Variants in CCDC73 observed in about 807,000 individuals in gnomAD.
The protein encoded by CCDC73 is coiled-coil domain containing 73.
In CCDC73, 95 loss-of-function variants were observed where a neutral mutation model predicts 116.5. The ratio of observed to expected loss-of-function variants is 0.82; its 90% CI spans 0.69 to 0.97. The LOEUF (loss-of-function observed/expected upper bound fraction) is 0.97. CCDC73 is among the 50% of genes least tolerant of loss of function. The probability of loss-of-function intolerance (pLI) is 0.00; values close to 1 mark genes in which losing one functional copy is unlikely to be tolerated. For missense variants in CCDC73, 1,066 were observed against 1,206.8 expected (o/e 0.88, Z 1.73); for synonymous variants, 398 against 401.3 (o/e 0.99, Z 0.10).
intron 17 of CCDC73, among the ~76,000 whole-genome samples, chr11:32,606,806 C>CTTTTTT (rs10591021): frequency 9.9e-6 from 1 of 101,062 alleles, no homozygotes; most frequent in African/African-American, 3.9e-5. Context: ...AAAATAAATT[C>CTTTTTT]TTTTTTTTTT....
At chr11:32,644,936 T>A (rs142720072) in intron 12 of CCDC73, among the ~76,000 whole-genome samples, 1 of 152,334 alleles carries the variant, frequency 6.6e-6, no homozygotes, top group African/African-American at 2.4e-5. Context: ...CAGTAGTTGG[T>A]TCTCTTTTAC....
At chr11:32,607,374 G>A (rs548202048) in intron 17 of CCDC73, among the ~76,000 whole-genome samples, 147 of 152,174 alleles carry the variant, frequency 9.7e-4, no homozygotes, top group Non-Finnish European at 9.9e-4. Context: ...TTACAGGCGT[G>A]AGCCACCGCG....
chr11:32,755,155 G>A (rs1432007674), intron 2 of CCDC73, among the ~76,000 whole-genome samples: 2 of 147,582 alleles, frequency 1.4e-5, no homozygotes, highest in Admixed American at 6.9e-5. Context: ...CAAAGTGCTG[G>A]GATTACAGGT....
At chr11:32,708,283 A>G (rs1165084407) in intron 3 of CCDC73, among the ~76,000 whole-genome samples, 1 of 152,174 alleles carries the variant, frequency 6.6e-6, no homozygotes, top group Non-Finnish European at 1.5e-5. Context: ...TTATACCAGT[A>G]TCATGCTGTT....
At chr11:32,606,088 A>G (rs1170303779) in intron 17 of CCDC73, 2 of 152,168 alleles carry the variant, frequency 1.3e-5, no homozygotes, top group Non-Finnish European at 2.9e-5. Flanking sequence ...TCAAGATTGC[A>G]GTAGGCTAAC....
intron 2 of CCDC73, among the ~76,000 whole-genome samples, chr11:32,739,851 A>G (rs927518955): frequency 1.4e-4 from 21 of 150,856 alleles, no homozygotes; most frequent in African/African-American, 5.2e-4. Context: ...GTATTGAGGT[A>G]TGCTCCTTTT....
At chr11:32,674,706 GT>G (rs1856069822) in intron 9 of CCDC73, among the ~76,000 whole-genome samples, 1 of 152,090 alleles carries the variant, frequency 6.6e-6, no homozygotes, top group Non-Finnish European at 1.5e-5. Context: ...GTTCTTCCTG[GT>G]TTATAATCAG....
At chr11:32,665,331 T>C (rs543507750) in intron 9 of CCDC73, among the ~76,000 whole-genome samples, 2 of 152,174 alleles carry the variant, frequency 1.3e-5, no homozygotes, top group African/African-American at 4.8e-5. Context: ...GCTTTATGAA[T>C]CTGGGTGCTC....
intron 2 of CCDC73, among the ~76,000 whole-genome samples, chr11:32,755,192 G>A (rs369979224): frequency 3.4e-4 from 50 of 148,078 alleles, no homozygotes; most frequent in African/African-American, 1.1e-3. Context: ...AGTCAGCTTC[G>A]ACATTTTTTA....
chr11:32,640,850 T>C (rs1038202090), intron 13 of CCDC73, among the ~76,000 whole-genome samples: 1 of 152,020 alleles, frequency 6.6e-6, no homozygotes, highest in African/African-American at 2.4e-5. Context: ...ACCCTGTCTC[T>C]ACTAAAAATA....
At chr11:32,770,659 T>A (rs1850485121) in intron 1 of CCDC73, among the ~76,000 whole-genome samples, 2 of 152,128 alleles carry the variant, frequency 1.3e-5, no homozygotes, top group South Asian at 4.1e-4. Context: ...GACAAAGCAT[T>A]GTCTGCAGTA....
chr11:32,629,935 CA>C (rs61061465), intron 14 of CCDC73, among the ~76,000 whole-genome samples: 9 of 123,376 alleles, frequency 7.3e-5, no homozygotes, highest in East Asian at 2.5e-4. Context: ...AAAAAAAAAA[CA>C]AAAAAAAAAC....
At chr11:32,636,220 T>C (rs1008802595) in intron 13 of CCDC73, among the ~76,000 whole-genome samples, 1 of 152,082 alleles carries the variant, frequency 6.6e-6, no homozygotes, top group Non-Finnish European at 1.5e-5. Flanking sequence ...TTTAAATTCA[T>C]AAAAAACAAA....
intron 2 of CCDC73, among the ~76,000 whole-genome samples, chr11:32,728,847 G>T (rs1215204353): frequency 6.6e-6 from 1 of 152,142 alleles, no homozygotes; most frequent in Non-Finnish European, 1.5e-5. Context: ...TGGGACTACA[G>T]GAGTGCACCA....
intron 2 of CCDC73, among the ~76,000 whole-genome samples, chr11:32,733,025 T>G (rs1261605624): frequency 6.6e-6 from 1 of 152,038 alleles, no homozygotes; most frequent in African/African-American, 2.4e-5. Flanking sequence ...AGGAGACCCA[T>G]CTCACGTGCA....
intron 2 of CCDC73, among the ~76,000 whole-genome samples, chr11:32,736,446 C>G (rs1850129679): frequency 1.3e-5 from 2 of 152,182 alleles, no homozygotes; most frequent in African/African-American, 4.8e-5. Flanking sequence ...AAATGCAAAT[C>G]AAAACCACAG....
Position 32,685,162 on chromosome 11 carries a change from T to C in CCDC73, c.391-1588A>G, listed in dbSNP as rs955617875. ...CATGAATGAGCTGATTTTATTTTAT[T>C]TTATTTTAATGGATGGGTTGTATAT... is the stretch of plus-strand genomic sequence containing the variant. On this transcript the variant is annotated intron_variant, in intron 6 of 17. Coordinates refer to ENST00000335185, the MANE Select transcript of CCDC73 (RefSeq NM_001008391.4). 2.0e-5 allele frequency among the ~76,000 whole-genome samples: 3 copies of C among 152,050 alleles called. No individual in the cohort carries two copies. In the South Asian group the frequency reaches 6.2e-4, roughly 31 times the overall value.
upstream of CCDC73, among the ~76,000 whole-genome samples, chr11:32,795,553 C>A (rs1251205421): frequency 1.3e-5 from 2 of 151,880 alleles, no homozygotes; most frequent in Non-Finnish European, 2.9e-5. Flanking sequence ...GATAATCACA[C>A]CTATTTTAAG....
intron 2 of CCDC73, among the ~76,000 whole-genome samples, chr11:32,722,793 G>C (rs1850000917): frequency 6.6e-6 from 1 of 152,106 alleles, no homozygotes; most frequent in Admixed American, 6.5e-5. Context: ...CCATGATCTA[G>C]ATATTGTTCT....
Sources: allele counts gnomAD v4.1 joint callset (sites outside exome capture counted in the v4.1 genomes callset), GRCh38; gene constraint gnomAD v4.1.1; transcripts MANE v1.5; gene names NCBI Gene and HGNC (gene_info 2026-07-23, HGNC 2026-07-21).